The following LCLAT1 variants were observed in gnomAD, a reference collection of about 807,000 sequenced individuals.
The protein encoded by LCLAT1 is 1-AGP acyltransferase 8.
A neutral mutation model predicts 30.7 loss-of-function variants in LCLAT1; 11 were observed. That is an observed-to-expected ratio of 0.36 (90% confidence interval 0.23 to 0.59). The LOEUF (loss-of-function observed/expected upper bound fraction) is 0.59, where lower values mean the gene tolerates loss of function less well. Among genes scored for constraint, LCLAT1 ranks in the 20% least tolerant of loss-of-function variants. The probability of loss-of-function intolerance (pLI) is 0.77; values close to 1 mark genes in which losing one functional copy is unlikely to be tolerated. For missense variants in LCLAT1, 402 were observed against 458.6 expected (o/e 0.88, Z 1.13); for synonymous variants, 155 against 151.3 (o/e 1.02, Z -0.18).
chr2:30,591,202 A>G (rs1666680088), intron 5 of LCLAT1, among the ~76,000 whole-genome samples: 1 of 152,188 alleles, frequency 6.6e-6, no homozygotes, highest in African/African-American at 2.4e-5. Flanking sequence ...TGAGGAAAAT[A>G]ATGTTACTTT....
At chr2:30,487,581 A>C (rs829675) in intron 1 of LCLAT1, among the ~76,000 whole-genome samples, 1 of 152,006 alleles carries the variant, frequency 6.6e-6, no homozygotes, top group Non-Finnish European at 1.5e-5. Flanking sequence ...CATTTGAAAT[A>C]CTAAATACAA....
At chr2:30,552,212 A>G (rs1337110864) in intron 3 of LCLAT1, among the ~76,000 whole-genome samples, 1 of 152,230 alleles carries the variant, frequency 6.6e-6, no homozygotes, top group Admixed American at 6.5e-5. Flanking sequence ...AATCTCATAT[A>G]ATATGAAAGA....
intron 3 of LCLAT1, among the ~76,000 whole-genome samples, chr2:30,537,521 T>TACACACACAC (rs58394759): frequency 0.11 from 16,190 of 149,094 alleles, 1,003 homozygotes; most frequent in East Asian, 0.19. Context: ...CAATTGTAAA[T>TACACACACAC]ACACACACAC....
intron 1 of LCLAT1, among the ~76,000 whole-genome samples, chr2:30,452,322 T>C (rs757919692): frequency 5.3e-5 from 8 of 151,564 alleles, no homozygotes; most frequent in Non-Finnish European, 1.0e-4. Context: ...ATGAAAGAGG[T>C]ACTTTAAAAG....
At position 30,469,272 on chromosome 2, in the gene LCLAT1, TG is replaced by T. The variant is rs763400190; in HGVS notation, c.-5+21890del. Among the ~76,000 whole-genome samples, 25 of 152,318 alleles carry T rather than the reference TG, an allele frequency of 1.6e-4. No individual in the cohort carries two copies. In the Middle Eastern group the frequency reaches 0.01, roughly 62 times the overall value. On this transcript the variant is annotated intron_variant, in intron 1 of 5. Transcript: ENST00000379509. ...AGTCCAGTTGATTTTTTTTTTCTTT[TG>T]TTGCTCATGTTTCTGGTGTCACATG...
At chr2:30,449,412 T>A (rs1293765737) in intron 1 of LCLAT1, among the ~76,000 whole-genome samples, 1 of 152,224 alleles carries the variant, frequency 6.6e-6, no homozygotes. Context: ...TGGTAACAAT[T>A]ACATTTACTT....
At position 30,636,463 on chromosome 2, in the gene LCLAT1, A is replaced by G. The variant is rs563134809; in HGVS notation, c.629-3654A>G. On this transcript the variant is annotated intron_variant, in intron 5 of 5. Transcript: ENST00000379509. ...TCACAACAACCTTCTTAGGTAATTT[A>G]TAGATATAGGAACTAAGTAAGCCAC... Among the ~76,000 whole-genome samples the G allele has an allele frequency of 2.0e-5, 3 of 152,314 alleles. No homozygotes were observed. In the East Asian group the frequency reaches 5.8e-4, roughly 29 times the overall value.
rs1669260886 is a variant in LCLAT1, at chr2:30,640,693, A to C, written c.*74A>C. ...TCTAAACCTTTCTAAGCTCAGATGC[A>C]TTTTTGCATGACTATGTCGAATATT... On this transcript the variant is annotated 3_prime_UTR_variant, in exon 6 of 6. Transcript: ENST00000379509. The C allele has an allele frequency of 1.3e-6, 2 of 1,493,720 alleles. No individual in the cohort carries two copies. The highest frequency in any genetic ancestry group is 2.3e-5 in the East Asian group (1 of 43,496). 92.5% of individuals were successfully genotyped at this position (1,493,720 alleles called of 1,614,324 possible). A position where few individuals can be genotyped will look rare whatever the true frequency, so the allele number is the denominator to read the frequency against.
intron 4 of LCLAT1, 111 bp downstream of exon 4, chr2:30,562,403 G>A: frequency 1.2e-6 from 1 of 822,642 alleles, no homozygotes; most frequent in South Asian, 2.8e-5. Context: ...AGGTGTGGTG[G>A]TCCATCCCTG....
intron 5 of LCLAT1, among the ~76,000 whole-genome samples, chr2:30,603,477 T>G (rs1667286797): frequency 6.6e-6 from 1 of 152,000 alleles, no homozygotes; most frequent in Non-Finnish European, 1.5e-5. Flanking sequence ...TTGCTTTTTT[T>G]TTTTTGAAGG....
At chr2:30,460,254 C>T (rs529905256) in intron 1 of LCLAT1, among the ~76,000 whole-genome samples, 7 of 152,280 alleles carry the variant, frequency 4.6e-5, no homozygotes, top group African/African-American at 1.7e-4. Flanking sequence ...TCTCCATCTG[C>T]CCAGTGTTCA....
At chr2:30,580,313 A>T (rs536719266) in intron 5 of LCLAT1, among the ~76,000 whole-genome samples, 1 of 152,312 alleles carries the variant, frequency 6.6e-6, no homozygotes, top group East Asian at 1.9e-4. Context: ...TTGGATATCC[A>T]CAGGCTGAAA....
At chr2:30,503,223 T>A (rs1684484043) in intron 1 of LCLAT1, among the ~76,000 whole-genome samples, 1 of 152,192 alleles carries the variant, frequency 6.6e-6, no homozygotes, top group Admixed American at 6.5e-5. Flanking sequence ...TTGCTTTCCT[T>A]GCCATCTTTA....
At chr2:30,569,355 A>G (rs1665667942) in intron 5 of LCLAT1, among the ~76,000 whole-genome samples, 1 of 152,264 alleles carries the variant, frequency 6.6e-6, no homozygotes, top group African/African-American at 2.4e-5. Flanking sequence ...GTACATACAA[A>G]TAACACATAT....
At chr2:30,532,397 T>G (rs1240879032) in intron 2 of LCLAT1, among the ~76,000 whole-genome samples, 1 of 152,146 alleles carries the variant, frequency 6.6e-6, no homozygotes, top group Admixed American at 6.5e-5. Flanking sequence ...ACATGTAAAT[T>G]GAGAATTCAA....
chr2:30,517,000 G>C (rs1685215057), intron 1 of LCLAT1, among the ~76,000 whole-genome samples: 1 of 152,136 alleles, frequency 6.6e-6, no homozygotes, highest in African/African-American at 2.4e-5. Context: ...CTGTCATCCT[G>C]AATTCCCGGC....
Position 30,581,166 on chromosome 2 carries a change from A to G in LCLAT1, c.628+12990A>G, listed in dbSNP as rs1370130587. Among the ~76,000 whole-genome samples the G allele has an allele frequency of 2.0e-5, 3 of 152,210 alleles. No individual in the cohort carries two copies. The East Asian group carries it at 5.8e-4, about 29-fold the overall frequency. Reference sequence around the variant, plus strand: ...GCTGAGCTCTCAAACCTCAGACTACAGAGCCAGTCTGGGCTCTTGCCTCTA... The same window carrying G: ...GCTGAGCTCTCAAACCTCAGACTACGGAGCCAGTCTGGGCTCTTGCCTCTA... On this transcript the variant is annotated intron_variant, in intron 5 of 5. Coordinates refer to ENST00000379509, the MANE Select transcript of LCLAT1 (RefSeq NM_001002257.3).
intron 1 of LCLAT1, among the ~76,000 whole-genome samples, chr2:30,490,968 T>C (rs912512571): frequency 1.3e-5 from 2 of 152,240 alleles, no homozygotes; most frequent in African/African-American, 4.8e-5. Context: ...TTATTTTGGA[T>C]TGATTACACA....
Position 30,550,807 on chromosome 2 carries a change from T to C in LCLAT1, c.365-11339T>C, listed in dbSNP as rs545288018. 2.0e-5 allele frequency among the ~76,000 whole-genome samples: 3 copies of C among 152,258 alleles called. No homozygotes were observed. In the South Asian group the frequency reaches 6.2e-4, roughly 32 times the overall value. ...GCTCTACTTCCTGGAGTGCAGACTA[T>C]TTATATATATTATTCATACTTCTGT... is the stretch of plus-strand genomic sequence containing the variant. On this transcript the variant is annotated intron_variant, in intron 3 of 5. Transcript: ENST00000379509.
Sources: gnomAD v4.1 joint callset for allele counts (sites outside exome capture counted in the v4.1 genomes callset) on GRCh38, gnomAD v4.1.1 for gene constraint, MANE v1.5 for transcripts, NCBI Gene and HGNC (gene_info 2026-07-23, HGNC 2026-07-21) for gene names.